The following MAMLD1 variants were observed in gnomAD, a reference collection of about 807,000 sequenced individuals.
The protein encoded by MAMLD1 is mastermind like domain containing 1.
In MAMLD1, 14 loss-of-function variants were observed where a neutral mutation model predicts 45.0. The observed-to-expected ratio is 0.31, with a 90% CI of 0.21 to 0.49. The LOEUF is 0.49. Ranked by LOEUF, MAMLD1 falls within the 20% of genes least tolerant of loss-of-function variation. MAMLD1 has a pLI of 0.99. For missense variants in MAMLD1, 543 were observed against 603.6 expected (o/e 0.90, Z 1.05); for synonymous variants, 254 against 247.8 (o/e 1.02, Z -0.24).
At chrX:150,479,202 A>T (rs1557407011) in intron 5 of MAMLD1, among the ~76,000 whole-genome samples, 1 of 111,772 alleles carries the variant, frequency 8.9e-6, no homozygotes. Context: ...AAATGTCAAC[A>T]TTTTTTTTCT....
intron 5 of MAMLD1, among the ~76,000 whole-genome samples, chrX:150,480,275 G>C (rs1381850835): frequency 1.8e-5 from 2 of 112,310 alleles, no homozygotes; most frequent in African/African-American, 3.2e-5. Context: ...AGGGTAGAAT[G>C]CTGGTTACAT....
chrX:150,457,610 C>G (rs1247065295), intron 2 of MAMLD1, among the ~76,000 whole-genome samples: 1 of 112,373 alleles, frequency 8.9e-6, no homozygotes, highest in East Asian at 2.8e-4. Context: ...CCAAGTGTGG[C>G]ACGTCCACAC....
rs1557406368 is a variant in MAMLD1 at position 150,470,681 on chromosome X, A to G, written c.1108A>G (p.Met370Val). Residue 370 changes from methionine to valine, a missense_variant, in exon 4 of 8, where the codon ATG (methionine) becomes GTG (valine). Met to Val is a conservative substitution (Grantham distance 21). Coordinates refer to ENST00000370401, the MANE Select transcript of MAMLD1 (RefSeq NM_005491.5). ...CCCCCAGAGCCTCATGGTGTCCTGCATGTCGTCCAATACCTTGTCGGGTAG... is the reference window on the plus strand; with the variant it reads ...CCCCCAGAGCCTCATGGTGTCCTGCGTGTCGTCCAATACCTTGTCGGGTAG... Reference protein sequence around the residue: ...FSPQSLMVSCMSSNTLSGSTL... With the variant: ...FSPQSLMVSCVSSNTLSGSTL... The G allele has an allele frequency of 8.3e-7, 1 of 1,211,611 alleles. No individual in the cohort carries two copies. The highest frequency in any genetic ancestry group is 3.0e-5 in the East Asian group (1 of 33,833).
intron 1 of MAMLD1, among the ~76,000 whole-genome samples, chrX:150,367,573 T>C (rs987340964): frequency 8.9e-6 from 1 of 112,031 alleles, no homozygotes; most frequent in African/African-American, 3.3e-5. Flanking sequence ...TTTTTTATTA[T>C]TGCACTTTAA....
At chrX:150,465,963 T>G (rs140991961) in intron 3 of MAMLD1, among the ~76,000 whole-genome samples, 1,524 of 112,414 alleles carry the variant, frequency 0.014, 10 homozygotes, top group Non-Finnish European at 0.023. Flanking sequence ...TCTCCTGCCC[T>G]TGATCTAAAA....
At chrX:150,398,946 T>C (rs782268871) in intron 1 of MAMLD1, among the ~76,000 whole-genome samples, 1 of 112,223 alleles carries the variant, frequency 8.9e-6, no homozygotes, top group African/African-American at 3.2e-5. Flanking sequence ...TAGCCAGAAG[T>C]CAGTCTACAA....
chrX:150,410,428 C>T (rs184514916), intron 1 of MAMLD1, among the ~76,000 whole-genome samples: 102 of 112,384 alleles, frequency 9.1e-4, no homozygotes, highest in African/African-American at 3.1e-3. Context: ...CTGGCTTCTA[C>T]GGACTGGACA....
chrX:150,506,287 C>T (rs1168193897), intron 6 of MAMLD1, among the ~76,000 whole-genome samples: 4 of 107,484 alleles, frequency 3.7e-5, no homozygotes, highest in African/African-American at 1.4e-4. Flanking sequence ...TCTGTCCTCC[C>T]TTCCCCTTCT....
At chrX:150,373,752 C>T (rs1387673354) in intron 1 of MAMLD1, among the ~76,000 whole-genome samples, 3 of 111,992 alleles carry the variant, frequency 2.7e-5, no homozygotes, top group Non-Finnish European at 5.6e-5. Flanking sequence ...ATGCCATCCT[C>T]AGCCCGCTGT....
At position 150,512,260 on chromosome X, in the gene MAMLD1, CTCTG is replaced by C; in HGVS notation, c.*306_*309del. 1 of 1,115,221 alleles carries C rather than the reference CTCTG, an allele frequency of 9.0e-7. No individual in the cohort carries two copies. Among genetic ancestry groups the C allele is most frequent in the Non-Finnish European group, 1.2e-6 (1 of 849,540 alleles). The allele number at this position is 1,115,221 out of a possible 1,213,427, so 91.9% of individuals were successfully genotyped here. ...GCCAGACTCCCCTGGGCAGACTTGA[CTCTG>C]TCTGCCAGCATATGCAGAGTCCCAA... On this transcript the variant is annotated 3_prime_UTR_variant, in exon 8 of 8. Transcript: ENST00000370401.
chrX:150,387,369 T>G lies in MAMLD1; in HGVS notation c.-64+23839T>G, dbSNP rs150095723. Among the ~76,000 whole-genome samples, 13 of 112,349 alleles carry G rather than the reference T, an allele frequency of 1.2e-4. No individual in the cohort carries two copies. In the East Asian group the frequency reaches 3.1e-3, roughly 26 times the overall value. On this transcript the variant is annotated intron_variant, in intron 1 of 7. Coordinates refer to ENST00000370401, the MANE Select transcript of MAMLD1 (RefSeq NM_005491.5). ...CTGCCAACCAGTTTTTACGTAGTAA[T>G]AAAAAGCAGTAAGAAAGCCAAAGAA...
rs181829792 is a variant in MAMLD1, at chrX:150,395,474, C to T, written c.-64+31944C>T. 3.4e-3 allele frequency among the ~76,000 whole-genome samples: 379 copies of T among 111,627 alleles called. 1 individual carries two copies. Among genetic ancestry groups the T allele is most frequent in the Non-Finnish European group, 5.5e-3 (290 of 53,129 alleles). On this transcript the variant is annotated intron_variant, in intron 1 of 7. Transcript: ENST00000370401. ...ATTGAGTTATAACATATTCTCTCTGCTTCTATTCTCTGCAAGATAATGTAG... is the reference window on the plus strand; with the variant it reads ...ATTGAGTTATAACATATTCTCTCTGTTTCTATTCTCTGCAAGATAATGTAG...
At chrX:150,403,783 G>A (rs1200184900) in intron 1 of MAMLD1, among the ~76,000 whole-genome samples, 1 of 104,072 alleles carries the variant, frequency 9.6e-6, no homozygotes, top group Non-Finnish European at 2.0e-5. Context: ...CCAGCCTGGG[G>A]TGACAGACTG....
intron 1 of MAMLD1, among the ~76,000 whole-genome samples, chrX:150,413,298 G>C (rs2034167323): frequency 9.0e-6 from 1 of 111,059 alleles, no homozygotes; most frequent in Non-Finnish European, 1.9e-5. Context: ...TTCTGTGTAA[G>C]TGTCATATGG....
At chrX:150,402,864 T>C (rs902896546) in intron 1 of MAMLD1, among the ~76,000 whole-genome samples, 1 of 110,036 alleles carries the variant, frequency 9.1e-6, no homozygotes, top group South Asian at 4.0e-4. Flanking sequence ...TAGGTGGGAA[T>C]TGAACAATGA....
intron 5 of MAMLD1, among the ~76,000 whole-genome samples, chrX:150,477,496 T>C (rs2036615861): frequency 9.0e-6 from 1 of 111,317 alleles, no homozygotes; most frequent in Admixed American, 9.5e-5. Context: ...TCACGGACAG[T>C]CCCTTAGGGG....
At chrX:150,497,653 C>T (rs1213117228) in intron 5 of MAMLD1, among the ~76,000 whole-genome samples, 1 of 110,786 alleles carries the variant, frequency 9.0e-6, no homozygotes, top group Non-Finnish European at 1.9e-5. Flanking sequence ...ACAGAGGTCC[C>T]CCAACTTGGA....
rs782429170 is a variant in MAMLD1 at position 150,512,159 on chromosome X, G to A, written c.*200G>A. 1.5e-4 allele frequency: 176 copies of A among 1,147,570 alleles called. No individual in the cohort carries two copies. The highest frequency in any genetic ancestry group is 9.0e-5 in the Non-Finnish European group (78 of 868,879). 94.6% of individuals were successfully genotyped at this position (1,147,570 alleles called of 1,213,427 possible). A position where few individuals can be genotyped will look rare whatever the true frequency, so the allele number is the denominator to read the frequency against. ...GCACCAGAGCTGCGAGGGCATGGGA[G>A]TGATCTCACCAACTCTGGGGAAGCG... On this transcript the variant is annotated 3_prime_UTR_variant, in exon 8 of 8. Coordinates refer to ENST00000370401, the MANE Select transcript of MAMLD1 (RefSeq NM_005491.5).
chrX:150,500,894 C>T (rs189263316), intron 5 of MAMLD1, among the ~76,000 whole-genome samples: 2 of 111,616 alleles, frequency 1.8e-5, no homozygotes, highest in Admixed American at 1.9e-4. Flanking sequence ...AATCTCATCT[C>T]TTTTATTTAT....
Sources: gnomAD v4.1 joint callset for allele counts (sites outside exome capture counted in the v4.1 genomes callset) on GRCh38, gnomAD v4.1.1 for gene constraint, MANE v1.5 for transcripts, NCBI Gene and HGNC (gene_info 2026-07-23, HGNC 2026-07-21) for gene names.